Variants in KCND3 observed in about 807,000 individuals in gnomAD.
KCND3 encodes the protein A-type voltage-gated potassium channel KCND3.
Under a neutral mutation model 51.1 loss-of-function variants are expected in KCND3, and 9 were observed. The observed-to-expected ratio is 0.18, with a 90% CI of 0.11 to 0.31. KCND3 has a LOEUF of 0.31. Among genes scored for constraint, KCND3 ranks in the 10% least tolerant of loss-of-function variants. The pLI is 1.00. For synonymous variants in KCND3, 349 were observed against 368.0 expected, an observed-to-expected ratio of 0.95 and a Z score of 0.59; for missense variants, 526 against 903.8, an observed-to-expected ratio of 0.58 and a Z score of 5.36.
chr1:111,933,677 CT>C (rs1348457941), intron 2 of KCND3, among the ~76,000 whole-genome samples: 1 of 152,186 alleles, frequency 6.6e-6, no homozygotes, highest in Non-Finnish European at 1.5e-5. Context: ...CAAGCTCCAC[CT>C]TTCAAAGCTG....
At chr1:111,833,263 T>C (rs1666923424) in intron 2 of KCND3, among the ~76,000 whole-genome samples, 1 of 152,260 alleles carries the variant, frequency 6.6e-6, no homozygotes, top group Non-Finnish European at 1.5e-5. Flanking sequence ...AGTTTATACT[T>C]GGATCTTGAC....
chr1:111,912,585 T>C (rs539654004), intron 2 of KCND3, among the ~76,000 whole-genome samples: 1 of 152,334 alleles, frequency 6.6e-6, no homozygotes, highest in South Asian at 2.1e-4. Context: ...ATTGTTATCA[T>C]GGAGGAGGAT....
At chr1:111,850,495 T>C (rs1667764502) in intron 2 of KCND3, among the ~76,000 whole-genome samples, 1 of 152,120 alleles carries the variant, frequency 6.6e-6, no homozygotes, top group Non-Finnish European at 1.5e-5. Flanking sequence ...TTGTGAACAA[T>C]ATAGGGATAT....
chr1:111,835,837 G>C (rs1667042080), intron 2 of KCND3, among the ~76,000 whole-genome samples: 1 of 152,184 alleles, frequency 6.6e-6, no homozygotes, highest in Non-Finnish European at 1.5e-5. Context: ...TCTGCCTATG[G>C]AGGAGCCATT....
intron 2 of KCND3, among the ~76,000 whole-genome samples, chr1:111,876,297 T>C (rs988982087): frequency 7.9e-5 from 12 of 152,340 alleles, no homozygotes; most frequent in Middle Eastern, 3.4e-3. Context: ...TAATTCCAAA[T>C]ACTGTCTGGA....
At chr1:111,816,025 G>C (rs754154101) in intron 2 of KCND3, among the ~76,000 whole-genome samples, 1 of 152,202 alleles carries the variant, frequency 6.6e-6, no homozygotes, top group Non-Finnish European at 1.5e-5. Flanking sequence ...TGCTGTGCCC[G>C]GCAGCAAGAG....
At chr1:111,791,533 G>A (rs72980110) in intron 2 of KCND3, among the ~76,000 whole-genome samples, 2,220 of 152,304 alleles carry the variant, frequency 0.015, 50 homozygotes, top group African/African-American at 0.051. Context: ...CTGTACCCCC[G>A]ACTTTCCTGT....
At chr1:111,796,335 TGCA>T (rs1665054483) in intron 2 of KCND3, among the ~76,000 whole-genome samples, 1 of 152,158 alleles carries the variant, frequency 6.6e-6, no homozygotes, top group African/African-American at 2.4e-5. Context: ...GAATGTTCAT[TGCA>T]GCACTATTCA....
At chr1:111,807,179 A>T (rs1294386950) in intron 2 of KCND3, among the ~76,000 whole-genome samples, 1 of 152,238 alleles carries the variant, frequency 6.6e-6, no homozygotes, top group Admixed American at 6.5e-5. Flanking sequence ...ACCAGAAGAA[A>T]ATGATGATAA....
intron 2 of KCND3, among the ~76,000 whole-genome samples, chr1:111,900,906 G>A (rs193169868): frequency 2.6e-3 from 389 of 151,750 alleles, no homozygotes; most frequent in Non-Finnish European, 4.2e-3. Context: ...GCAGTGAGCC[G>A]AGATCACACC....
intron 2 of KCND3, among the ~76,000 whole-genome samples, chr1:111,809,251 A>G (rs576282315): frequency 2.6e-5 from 4 of 152,180 alleles, no homozygotes; most frequent in African/African-American, 9.6e-5. Context: ...GCCCAAGGGG[A>G]TACAGAACCC....
At chr1:111,877,251 C>T (rs1214940525) in intron 2 of KCND3, among the ~76,000 whole-genome samples, 1 of 152,236 alleles carries the variant, frequency 6.6e-6, no homozygotes, top group Non-Finnish European at 1.5e-5. Flanking sequence ...GCGAGTTGTC[C>T]TTGTCTGAAG....
chr1:111,825,290 C>T (rs1666524519), intron 2 of KCND3, among the ~76,000 whole-genome samples: 1 of 152,112 alleles, frequency 6.6e-6, no homozygotes, highest in Admixed American at 6.5e-5. Context: ...GTCCGAGGTC[C>T]AGGATTCTTC....
chr1:111,817,488 G>A (rs1028740208), intron 2 of KCND3, among the ~76,000 whole-genome samples: 10 of 152,124 alleles, frequency 6.6e-5, no homozygotes, highest in Non-Finnish European at 1.2e-4. Context: ...ACCCGACACC[G>A]ACCCAAATGA....
intron 2 of KCND3, among the ~76,000 whole-genome samples, chr1:111,848,721 G>A (rs1179921336): frequency 6.6e-6 from 1 of 152,188 alleles, no homozygotes; most frequent in Admixed American, 6.5e-5. Flanking sequence ...GAGACCTTGG[G>A]AGAATTATTT....
intron 2 of KCND3, among the ~76,000 whole-genome samples, chr1:111,797,658 G>A (rs1394562121): frequency 1.3e-5 from 2 of 152,188 alleles, no homozygotes; most frequent in Non-Finnish European, 2.9e-5. Context: ...AAACTGGAGG[G>A]TGGTCAGAGG....
chr1:111,851,654 C>T (rs1667819719), intron 2 of KCND3, among the ~76,000 whole-genome samples: 1 of 152,230 alleles, frequency 6.6e-6, no homozygotes, highest in Non-Finnish European at 1.5e-5. Context: ...TATCTGTCTT[C>T]CTCACTAGAC....
chr1:111,796,234 T>A (rs962230197), intron 2 of KCND3, among the ~76,000 whole-genome samples: 1 of 152,258 alleles, frequency 6.6e-6, no homozygotes, highest in Non-Finnish European at 1.5e-5. Context: ...GCAATTACTT[T>A]CGGCATCTTT....
chr1:111,852,615 G>A (rs549491372), intron 2 of KCND3, among the ~76,000 whole-genome samples: 3 of 152,230 alleles, frequency 2.0e-5, no homozygotes, highest in South Asian at 2.1e-4. Flanking sequence ...GGTTAATTAC[G>A]CACACACCAA....
Sources: gnomAD v4.1 joint callset for allele counts (sites outside exome capture counted in the v4.1 genomes callset) on GRCh38, gnomAD v4.1.1 for gene constraint, MANE v1.5 for transcripts, NCBI Gene and HGNC (gene_info 2026-07-23, HGNC 2026-07-21) for gene names.